The following COG1 variants were observed in gnomAD, a reference collection of about 807,000 sequenced individuals.
The protein encoded by COG1 is component of oligomeric golgi complex 1, also known as conserved oligomeric Golgi complex subunit 1.
Under a neutral mutation model 102.2 loss-of-function variants are expected in COG1, and 61 were observed. The observed-to-expected ratio is 0.60, with a 90% CI of 0.49 to 0.74. The LOEUF (loss-of-function observed/expected upper bound fraction) is 0.74. Among genes scored for constraint, COG1 ranks in the 30% least tolerant of loss-of-function variants. The probability of loss-of-function intolerance (pLI) is 0.00; values close to 1 mark genes in which losing one functional copy is unlikely to be tolerated. For synonymous variants in COG1, 454 were observed against 493.6 expected, an observed-to-expected ratio of 0.92 and a Z score of 1.06; for missense variants, 1,164 against 1,232.1, an observed-to-expected ratio of 0.94 and a Z score of 0.83.
At position 73,193,322 on chromosome 17, in the gene COG1, C is replaced by T; in HGVS notation, c.253C>T (p.Gln85Ter). Residue 85 changes from glutamine to a stop codon, truncating the protein, a stop_gained, in exon 1 of 14, where the codon CAG (glutamine) becomes TAG (stop). Coordinates refer to ENST00000299886, the MANE Select transcript of COG1 (RefSeq NM_018714.3). LOFTEE classifies it high-confidence loss of function. The part of the protein sequence containing the change: ...GLVDAVKATD[Q>*]YCARLRQAGS... ...AGTGGACGCCGTGAAGGCCACCGAC[C>T]AGTACTGCGCCCGCCTCCGCCAGGC... 6.4e-7 allele frequency: 1 copy of T among 1,554,780 alleles called. No individual in the cohort carries two copies. Among genetic ancestry groups the T allele is most frequent in the Non-Finnish European group, 8.7e-7 (1 of 1,153,610 alleles).
rs1413974481 is a variant in COG1, at chr17:73,196,495, C to T, written c.316-12C>T. ...TCGTTCTTCTGGTTTAGTTCTGTGCCTTCCCCTGCAGCCACAGCAGCCATC... is the reference window on the plus strand; with the variant it reads ...TCGTTCTTCTGGTTTAGTTCTGTGCTTTCCCCTGCAGCCACAGCAGCCATC... On this transcript the variant is annotated splice_polypyrimidine_tract_variant and intron_variant, in intron 1 of 13. Coordinates refer to ENST00000299886, the MANE Select transcript of COG1 (RefSeq NM_018714.3). The T allele has an allele frequency of 6.2e-7, 1 of 1,614,082 alleles. No homozygotes were observed. Among genetic ancestry groups the T allele is most frequent in the South Asian group, 1.1e-5 (1 of 91,024 alleles).
chr17:73,200,016 C>T lies in COG1; in HGVS notation c.1065C>T (p.Ile355=), dbSNP rs377061582. 6.2e-7 allele frequency: 1 copy of T among 1,611,310 alleles called. No homozygotes were observed. Among genetic ancestry groups the T allele is most frequent in the African/African-American group, 1.3e-5 (1 of 74,912 alleles). Residue 355 remains isoleucine, a synonymous_variant, in exon 5 of 14, where the codon ATC becomes ATT. Transcript: ENST00000299886. ...TGAAAGACACGCTGCAGAAATGGAT[C>T]CACATGTAAGTAACCAGAAAGAGCT... ...EYLKDTLQKW[I]HMCNEDIKNG...
chr17:73,205,412 GATTA>G (rs2061364523), intron 9 of COG1, 137 bp from the exon 10 acceptor site: 3 of 864,568 alleles, frequency 3.5e-6, no homozygotes, highest in Non-Finnish European at 5.8e-6. Flanking sequence ...GTTGTTGTGA[GATTA>G]AACTGGCCAT....
chr17:73,200,112 A>AG, intron 5 of COG1, 91 bp downstream of exon 5: 1 of 1,453,406 alleles, frequency 6.9e-7, no homozygotes. Flanking sequence ...AGGCATGTGC[A>AG]GAAAGCCTGT....
At position 73,193,189 on chromosome 17, in the gene COG1, G is replaced by T. The variant is rs1304469542; in HGVS notation, c.120G>T (p.Glu40Asp). The part of the protein sequence containing the change: ...IRGLERQVRA[E>D]IEHKKEELRQ... ...GGCTGGAGCGCCAGGTTCGGGCCGAGATCGAGCACAAGAAGGAGGAGCTGC... is the reference window on the plus strand; with the variant it reads ...GGCTGGAGCGCCAGGTTCGGGCCGATATCGAGCACAAGAAGGAGGAGCTGC... The change falls in exon 1 of 14, where the codon GAG becomes GAT. Residue 40 changes from glutamate (E) to aspartate (D), a missense_variant. Coordinates refer to ENST00000299886, the MANE Select transcript of COG1 (RefSeq NM_018714.3). 6 of 1,608,328 alleles carry T rather than the reference G, an allele frequency of 3.7e-6. No individual in the cohort carries two copies. In the Admixed American group the frequency reaches 5.1e-5, roughly 14 times the overall value.
chr17:73,197,420 A>G, intron 4 of COG1, 24 bp downstream of exon 4: 1 of 1,612,574 alleles, frequency 6.2e-7, no homozygotes, highest in Non-Finnish European at 8.5e-7. Context: ...CAAGCTTTTT[A>G]AATTCTGGTT....
At chr17:73,197,846 C>G (rs2061331669) in intron 4 of COG1, among the ~76,000 whole-genome samples, 1 of 152,140 alleles carries the variant, frequency 6.6e-6, no homozygotes, top group South Asian at 2.1e-4. Flanking sequence ...AGGGGGAGAG[C>G]TGCTTGAGCA....
chr17:73,194,639 C>T (rs1392284362), intron 1 of COG1, among the ~76,000 whole-genome samples: 2 of 151,656 alleles, frequency 1.3e-5, no homozygotes, highest in Non-Finnish European at 2.9e-5. Context: ...AATTTTTGTA[C>T]TTTCAGTAGA....
intron 1 of COG1, among the ~76,000 whole-genome samples, 190 bp downstream of exon 1, chr17:73,193,574 C>A (rs902403359): frequency 8.5e-5 from 13 of 152,316 alleles, no homozygotes; most frequent in Middle Eastern, 3.4e-3. Flanking sequence ...TGCACATATG[C>A]GGCTGCTGAT....
chr17:73,198,608 C>T (rs796850663), intron 4 of COG1, among the ~76,000 whole-genome samples: 2 of 151,088 alleles, frequency 1.3e-5, no homozygotes, highest in South Asian at 4.1e-4. Context: ...AGAGAGAAAA[C>T]GTTGCATTGG....
chr17:73,196,754 A>C lies in COG1; in HGVS notation c.560+3A>C, dbSNP rs766913950. On this transcript the variant is annotated splice_donor_region_variant and intron_variant, in intron 2 of 13. Coordinates refer to ENST00000299886, the MANE Select transcript of COG1 (RefSeq NM_018714.3). ...GTGGCAGCCGCCAGCCACTTCCGGT[A>C]AGTGGATCCAGCGCAAAGAGCTGCT... 1 of 1,614,134 alleles carries C rather than the reference A, an allele frequency of 6.2e-7. No homozygotes were observed. The highest frequency in any genetic ancestry group is 8.5e-7 in the Non-Finnish European group (1 of 1,180,026).
chr17:73,202,018 A>G, intron 7 of COG1, 118 bp downstream of exon 7: 1 of 1,097,860 alleles, frequency 9.1e-7, no homozygotes, highest in Non-Finnish European at 1.3e-6. Context: ...CATACGGTTA[A>G]CTTTATCTCT....
chr17:73,206,543 T>C (rs2061373364), intron 11 of COG1, among the ~76,000 whole-genome samples, 165 bp from the exon 12 acceptor site: 1 of 152,062 alleles, frequency 6.6e-6, no homozygotes, highest in Non-Finnish European at 1.5e-5. Context: ...GATTCTGACC[T>C]GTGGGCAGTG....
intron 9 of COG1, 53 bp from the exon 10 acceptor site, chr17:73,205,500 T>C: frequency 6.2e-7 from 1 of 1,605,750 alleles, no homozygotes. Context: ...TTTATTACGC[T>C]CACATACCAA....
In COG1 at chr17:73,201,275, T is replaced by C; in HGVS notation, c.1448T>C (p.Leu483Pro). 1 of 1,614,250 alleles carries C rather than the reference T, an allele frequency of 6.2e-7. No homozygotes were observed. Among genetic ancestry groups the C allele is most frequent in the Non-Finnish European group, 8.5e-7 (1 of 1,180,034 alleles). Residue 483 changes from leucine (L) to proline (P), a missense_variant, in exon 7 of 14, where the codon CTG becomes CCG. Physicochemically the swap from Leu to Pro is moderately conservative, Grantham distance 98. Coordinates refer to ENST00000299886, the MANE Select transcript of COG1 (RefSeq NM_018714.3). ...CTCTGGTCTGAGAGTCCTAATGACC[T>C]GCCTTCCGATGCGGCCTGGGTCAGC... ...LFLWSESPND[L>P]PSDAAWVSVA...
Position 73,193,394 on chromosome 17 carries a change from C to G in COG1, c.315+10C>G, listed in dbSNP as rs1188495993. On this transcript the variant is annotated intron_variant, in intron 1 of 13. Transcript: ENST00000299886. ...ACCGCGGGCCCAGCAGGTCAGTCCC[C>G]GTGCCCCCACCCTGCGACCCGCAGG... is the stretch of plus-strand genomic sequence containing the variant. The G allele has an allele frequency of 7.0e-7, 1 of 1,421,974 alleles. No individual in the cohort carries two copies. The highest frequency in any genetic ancestry group is 9.1e-7 in the Non-Finnish European group (1 of 1,096,802). The allele number at this position is 1,421,974 out of a possible 1,614,324, so 88.1% of individuals were successfully genotyped here.
intron 13 of COG1, chr17:73,207,707 T>G (rs1429543089): frequency 7.7e-7 from 1 of 1,292,214 alleles, no homozygotes; most frequent in Admixed American, 2.3e-5. Context: ...TTCAGTACGA[T>G]GCCAACTGTT....
At chr17:73,205,766 T>C in intron 10 of COG1, 86 bp downstream of exon 10, 1 of 1,513,934 alleles carries the variant, frequency 6.6e-7, no homozygotes, top group Non-Finnish European at 9.1e-7. Context: ...AGAGTCAGCC[T>C]GTTATACTGC....
At chr17:73,203,203 A>G in intron 8 of COG1, 57 bp downstream of exon 8, 1 of 1,592,438 alleles carries the variant, frequency 6.3e-7, no homozygotes, top group Non-Finnish European at 8.6e-7. Context: ...AAAAGAAGAA[A>G]GATTTTAGAA....
Sources: allele counts gnomAD v4.1 joint callset (sites outside exome capture counted in the v4.1 genomes callset), GRCh38; gene constraint gnomAD v4.1.1; transcripts MANE v1.5; gene names NCBI Gene and HGNC (gene_info 2026-07-23, HGNC 2026-07-21).